Variants in ATP9A observed in about 807,000 individuals in gnomAD.
ATP9A encodes probable phospholipid-transporting ATPase IIA.
A neutral mutation model predicts 144.1 loss-of-function variants in ATP9A; 52 were observed. The observed-to-expected ratio is 0.36, with a 90% CI of 0.29 to 0.45. The LOEUF (loss-of-function observed/expected upper bound fraction) is 0.45, where lower values mean the gene tolerates loss of function less well. Among genes scored for constraint, ATP9A ranks in the 20% least tolerant of loss-of-function variants. ATP9A has a pLI of 1.00. For synonymous variants in ATP9A, 582 were observed against 557.4 expected (o/e 1.04, Z -0.62); for missense variants, 947 against 1,392.7 (o/e 0.68, Z 5.09).
At chr20:51,637,690 G>A (rs1449723885) in intron 15 of ATP9A, among the ~76,000 whole-genome samples, 1 of 143,316 alleles carries the variant, frequency 7.0e-6, no homozygotes, top group African/African-American at 2.6e-5. Context: ...ACTTCTACTT[G>A]TGCACTCTGT....
intron 1 of ATP9A, among the ~76,000 whole-genome samples, chr20:51,767,526 C>A (rs903797995): frequency 6.6e-6 from 1 of 152,170 alleles, no homozygotes; most frequent in Non-Finnish European, 1.5e-5. Context: ...AATACCAACC[C>A]GTCCCCTCTT....
Position 51,682,921 on chromosome 20 carries a change from T to A in ATP9A, c.799+6143A>T, listed in dbSNP as rs565921425. Among the ~76,000 whole-genome samples the A allele has an allele frequency of 1.9e-3, 285 of 149,854 alleles. 2 individuals are homozygous for A. Among genetic ancestry groups the A allele is most frequent in the African/African-American group, 6.6e-3 (270 of 40,964 alleles). Reference sequence around the variant, plus strand: ...GCCTGACCAACATGGTAAAACCTCATCTTTACTAAAAATACAAAAAATTAG... The same window carrying A: ...GCCTGACCAACATGGTAAAACCTCAACTTTACTAAAAATACAAAAAATTAG... On this transcript the variant is annotated intron_variant, in intron 9 of 27. Coordinates refer to ENST00000338821, the MANE Select transcript of ATP9A (RefSeq NM_006045.3).
At chr20:51,720,689 C>G (rs1393292456) in intron 3 of ATP9A, among the ~76,000 whole-genome samples, 1 of 152,078 alleles carries the variant, frequency 6.6e-6, no homozygotes, top group African/African-American at 2.4e-5. Context: ...CAAAAATTAG[C>G]CGGGTGTGGT....
At position 51,690,761 on chromosome 20, in the gene ATP9A, T is replaced by C; in HGVS notation, c.701A>G (p.Asn234Ser). 1 of 1,614,122 alleles carries C rather than the reference T, an allele frequency of 6.2e-7. No homozygotes were observed. The highest frequency in any genetic ancestry group is 8.5e-7 in the Non-Finnish European group (1 of 1,179,994). Residue 234 changes from asparagine (N) to serine (S), a missense_variant, in exon 8 of 28, where the codon AAC (asparagine) becomes AGC (serine). Coordinates refer to ENST00000338821, the MANE Select transcript of ATP9A (RefSeq NM_006045.3). ...TACTCGGGTAAAAGTTCCCACGAAGTTGTGAATGTCAATATTTGGCTCTTC... is the reference window on the plus strand; with the variant it reads ...TACTCGGGTAAAAGTTCCCACGAAGCTGTGAATGTCAATATTTGGCTCTTC... ...YAEEPNIDIH[N>S]FVGTFTREDS...
intron 1 of ATP9A, among the ~76,000 whole-genome samples, chr20:51,744,100 A>T (rs962203905): frequency 6.6e-6 from 1 of 152,170 alleles, no homozygotes; most frequent in African/African-American, 2.4e-5. Context: ...GTTAAAGTGT[A>T]AGTTTATAAA....
chr20:51,713,918 T>C (rs1181454649), intron 3 of ATP9A, among the ~76,000 whole-genome samples: 1 of 152,200 alleles, frequency 6.6e-6, no homozygotes, highest in Non-Finnish European at 1.5e-5. Context: ...GTTTTTTGTT[T>C]TGTTTGTTTG....
chr20:51,601,471 C>T (rs1402066663), intron 27 of ATP9A, 124 bp from the exon 28 acceptor site: 1 of 1,008,464 alleles, frequency 9.9e-7, no homozygotes, highest in South Asian at 1.9e-5. Flanking sequence ...CCACAGCCTC[C>T]TGGCATTGGC....
chr20:51,708,058 C>A (rs1241302547), intron 4 of ATP9A, among the ~76,000 whole-genome samples: 4 of 152,188 alleles, frequency 2.6e-5, no homozygotes, highest in East Asian at 1.9e-4. Context: ...ACTAAAAGGT[C>A]ATTTCCATGT....
intron 18 of ATP9A, among the ~76,000 whole-genome samples, chr20:51,622,547 CA>C (rs2122725498): frequency 6.6e-6 from 1 of 152,350 alleles, no homozygotes; most frequent in East Asian, 1.9e-4. Flanking sequence ...CCCTGTCCTA[CA>C]GGAAACACTC....
chr20:51,719,392 A>G (rs916355913), intron 3 of ATP9A, among the ~76,000 whole-genome samples: 2 of 152,122 alleles, frequency 1.3e-5, no homozygotes. Flanking sequence ...AATACTAAAA[A>G]TTTTTAAAAA....
intron 10 of ATP9A, 95 bp from the exon 11 acceptor site, chr20:51,674,408 C>T (rs2077468762): frequency 1.5e-6 from 2 of 1,316,742 alleles, no homozygotes; most frequent in Non-Finnish European, 2.1e-6. Flanking sequence ...AGCTGAGCCT[C>T]ACTGCACTAA....
At chr20:51,619,159 C>T in intron 19 of ATP9A, 116 bp from the exon 20 acceptor site, 1 of 791,080 alleles carries the variant, frequency 1.3e-6, no homozygotes, top group Middle Eastern at 2.3e-4. Context: ...AAGGGTCCCT[C>T]CCCTCCCCTG....
chr20:51,693,035 C>T (rs1337883263), intron 7 of ATP9A, among the ~76,000 whole-genome samples: 1 of 152,160 alleles, frequency 6.6e-6, no homozygotes, highest in East Asian at 1.9e-4. Context: ...TTCATCCTTC[C>T]AGACCACAGT....
intron 18 of ATP9A, among the ~76,000 whole-genome samples, chr20:51,622,607 C>G (rs2235861): frequency 0.2 from 31,152 of 152,078 alleles, 3,652 homozygotes; most frequent in African/African-American, 0.33. Context: ...CAAGACAGAC[C>G]CTTCTGGGGT....
intron 1 of ATP9A, among the ~76,000 whole-genome samples, chr20:51,764,728 A>AT (rs397864782): frequency 0.022 from 3,201 of 148,750 alleles, 38 homozygotes; most frequent in Non-Finnish European, 0.035. Context: ...AAATGGGAGA[A>AT]TTTTTTTTTT....
At chr20:51,726,515 G>A (rs2077713852) in intron 2 of ATP9A, among the ~76,000 whole-genome samples, 1 of 152,038 alleles carries the variant, frequency 6.6e-6, no homozygotes, top group African/African-American at 2.4e-5. Context: ...TACTTCCTGG[G>A]GAAGGGGTAA....
chr20:51,754,720 G>A (rs2077848537), intron 1 of ATP9A, among the ~76,000 whole-genome samples: 1 of 152,102 alleles, frequency 6.6e-6, no homozygotes, highest in Non-Finnish European at 1.5e-5. Flanking sequence ...GAAGGCTGAG[G>A]CATGAGAATT....
At chr20:51,617,440 G>A (rs2077207727) in intron 22 of ATP9A, 50 bp downstream of exon 22, 1 of 1,561,424 alleles carries the variant, frequency 6.4e-7, no homozygotes. Context: ...GAGGGAAAAA[G>A]AACCAAGAAA....
intron 14 of ATP9A, among the ~76,000 whole-genome samples, chr20:51,654,058 C>A (rs1299781032): frequency 6.6e-6 from 1 of 152,096 alleles, no homozygotes; most frequent in East Asian, 1.9e-4. Context: ...TGGCACAAGT[C>A]CAAGTAGATC....
Sources: allele counts gnomAD v4.1 joint callset (sites outside exome capture counted in the v4.1 genomes callset), GRCh38; gene constraint gnomAD v4.1.1; transcripts MANE v1.5; gene names NCBI Gene and HGNC (gene_info 2026-07-23, HGNC 2026-07-21).